The following ACP7 variants were observed in gnomAD, a reference collection of about 807,000 sequenced individuals.
The protein encoded by ACP7 is acid phosphatase 7, tartrate resistant (putative).
In ACP7, 58 loss-of-function variants were observed where a neutral mutation model predicts 60.6. The ratio of observed to expected loss-of-function variants is 0.96; its 90% confidence interval spans 0.77 to 1.19. The LOEUF (loss-of-function observed/expected upper bound fraction) is 1.19. Among genes scored for constraint, ACP7 ranks in the 50% most tolerant of loss-of-function variants. The pLI is 0.00. For missense variants in ACP7, 574 were observed against 596.2 expected, an observed-to-expected ratio of 0.96 and a Z score of 0.39; for synonymous variants, 237 against 232.6, an observed-to-expected ratio of 1.02 and a Z score of -0.17.
chr19:39,104,405 T>C (rs970979699), intron 11 of ACP7, among the ~76,000 whole-genome samples: 1 of 152,158 alleles, frequency 6.6e-6, no homozygotes, highest in Admixed American at 6.6e-5. Flanking sequence ...GTCCAGTGCT[T>C]GGGCCTGACC....
intron 11 of ACP7, among the ~76,000 whole-genome samples, chr19:39,101,830 G>A (rs1347072412): frequency 6.6e-6 from 1 of 151,110 alleles, no homozygotes; most frequent in East Asian, 1.9e-4. Context: ...GGAGGTCCAG[G>A]CACAATGACT....
chr19:39,087,684 A>G (rs547585150), intron 2 of ACP7, among the ~76,000 whole-genome samples: 34 of 142,260 alleles, frequency 2.4e-4, no homozygotes, highest in Non-Finnish European at 3.6e-4. Flanking sequence ...GCCAGGCTGT[A>G]GTGCAATGGC....
intron 1 of ACP7, 95 bp from the exon 2 acceptor site, chr19:39,084,997 T>G: frequency 2.8e-6 from 1 of 357,686 alleles, no homozygotes; most frequent in Non-Finnish European, 5.0e-6. Flanking sequence ...CTTCCGTGAA[T>G]TAATCTATGT....
intron 2 of ACP7, among the ~76,000 whole-genome samples, chr19:39,096,190 T>TTTGCAG (rs2073264305): frequency 6.6e-6 from 1 of 152,216 alleles, no homozygotes; most frequent in Admixed American, 6.5e-5. Flanking sequence ...TTATTTTCTA[T>TTTGCAG]CCCATCATCA....
chr19:39,095,939 A>T (rs2073260470), intron 2 of ACP7, among the ~76,000 whole-genome samples: 1 of 152,204 alleles, frequency 6.6e-6, no homozygotes, highest in Non-Finnish European at 1.5e-5. Context: ...CCACAGCTGG[A>T]GCAGCTAGAA....
intron 11 of ACP7, among the ~76,000 whole-genome samples, chr19:39,104,444 T>G (rs1348108099): frequency 1.3e-5 from 2 of 152,192 alleles, no homozygotes; most frequent in East Asian, 3.8e-4. Context: ...TCCCTGGCAT[T>G]GATCTCCCAG....
intron 12 of ACP7, among the ~76,000 whole-genome samples, chr19:39,108,730 G>A (rs1442904332): frequency 6.6e-6 from 1 of 152,226 alleles, no homozygotes; most frequent in Non-Finnish European, 1.5e-5. Context: ...TTTTGCCATT[G>A]TAGTTTTAAA....
rs148396910 is a variant in ACP7 at position 39,094,732 on chromosome 19, C to T, written c.122-3726C>T. 6.4e-3 allele frequency among the ~76,000 whole-genome samples: 970 copies of T among 152,072 alleles called. 10 individuals are homozygous for T. Among genetic ancestry groups the T allele is most frequent in the South Asian group, 0.03 (143 of 4,812 alleles). ...GTCCGAGCTACTCAGGAGGCTGAGGCGGGAGGATCACTTGAACCCAGGAGG... is the reference window on the plus strand; with the variant it reads ...GTCCGAGCTACTCAGGAGGCTGAGGTGGGAGGATCACTTGAACCCAGGAGG... On this transcript the variant is annotated intron_variant, in intron 2 of 12. Coordinates refer to ENST00000331256, the MANE Select transcript of ACP7 (RefSeq NM_001004318.3).
chr19:39,100,024 C>G (rs1188513687), intron 4 of ACP7, among the ~76,000 whole-genome samples: 1 of 144,398 alleles, frequency 6.9e-6, no homozygotes, highest in Non-Finnish European at 1.5e-5. Context: ...AAGTGCCCAT[C>G]TTGGCCCGGC....
chr19:39,096,951 GC>G (rs2144995854), intron 2 of ACP7, among the ~76,000 whole-genome samples: 1 of 152,216 alleles, frequency 6.6e-6, no homozygotes, highest in African/African-American at 2.4e-5. Context: ...ACAGGCACAT[GC>G]CACCACGCCC....
In ACP7 at chr19:39,099,540, G is replaced by A. The variant is rs143626739; in HGVS notation, c.505+398G>A. Among the ~76,000 whole-genome samples the A allele has an allele frequency of 5.0e-3, 762 of 152,180 alleles. 4 individuals carry two copies. The highest frequency in any genetic ancestry group is 9.0e-3 in the Admixed American group (137 of 15,260). On this transcript the variant is annotated intron_variant, in intron 4 of 12. Coordinates refer to ENST00000331256, the MANE Select transcript of ACP7 (RefSeq NM_001004318.3). ...TATTGCTGCTGTTGTTATTTAAGAG[G>A]GGGAAGGGAATTAGATGGGTAATGG...
At chr19:39,102,663 A>G (rs189781318) in intron 11 of ACP7, among the ~76,000 whole-genome samples, 1 of 152,006 alleles carries the variant, frequency 6.6e-6, no homozygotes, top group African/African-American at 2.4e-5. Context: ...TTTCAAACCC[A>G]TTAGTGGACG....
intron 2 of ACP7, among the ~76,000 whole-genome samples, chr19:39,093,182 C>CCTTCCTTCCTTCCTTCCTTT (rs2073227975): frequency 3.7e-5 from 2 of 54,716 alleles, no homozygotes; most frequent in Admixed American, 1.5e-4. Context: ...CTCCTTCCTT[C>CCTTCCTTCCTTCCTTCCTTT]CTTCCTTCTT....
upstream of ACP7, chr19:39,083,819 A>G (rs942561926): frequency 1.3e-5 from 2 of 152,304 alleles, no homozygotes; most frequent in African/African-American, 4.8e-5. Context: ...TAGGTCGCAC[A>G]GCTCAGAAAG....
At chr19:39,103,780 A>G (rs893323231) in intron 11 of ACP7, among the ~76,000 whole-genome samples, 25 of 152,096 alleles carry the variant, frequency 1.6e-4, no homozygotes, top group African/African-American at 5.8e-4. Flanking sequence ...ATGAGCTGAG[A>G]CTGTGCTACT....
chr19:39,096,260 C>T (rs570716962), intron 2 of ACP7, among the ~76,000 whole-genome samples: 2 of 152,302 alleles, frequency 1.3e-5, no homozygotes, highest in East Asian at 3.9e-4. Context: ...ATGCCTTTAA[C>T]AGGACATCTT....
At chr19:39,084,185 G>A (rs2073113994), upstream of ACP7, 1 of 152,338 alleles carries the variant, frequency 6.6e-6, no homozygotes, top group Non-Finnish European at 1.5e-5. Flanking sequence ...CCCTGGTGGG[G>A]TGGGCGGGTG....
intron 2 of ACP7, 69 bp downstream of exon 2, chr19:39,085,459 T>C (rs2073130929): frequency 6.6e-7 from 1 of 1,522,282 alleles, no homozygotes; most frequent in Non-Finnish European, 8.8e-7. Context: ...GTTTGAGGGC[T>C]CAGGAATCCC....
Position 39,099,085 on chromosome 19 carries a change from G to A in ACP7, c.448G>A (p.Val150Ile). 26 of 1,603,058 alleles carry A rather than the reference G, an allele frequency of 1.6e-5. No homozygotes were observed. Among genetic ancestry groups the A allele is most frequent in the Non-Finnish European group, 2.1e-5 (25 of 1,175,598 alleles). ...CCTGGGGGCTGACAACCCGAAGGCC[G>A]TCCCCCGGCTGCGCAGGGACACCCA... ...GDLGADNPKA[V>I]PRLRRDTQQG... Residue 150 changes from valine (V) to isoleucine (I), a missense_variant, in exon 4 of 13, where the codon GTC (valine) becomes ATC (isoleucine). By Grantham distance (29) the Val-to-Ile change is conservative. Transcript: ENST00000331256.
Sources: allele counts gnomAD v4.1 joint callset (sites outside exome capture counted in the v4.1 genomes callset), GRCh38; gene constraint gnomAD v4.1.1; transcripts MANE v1.5; gene names NCBI Gene and HGNC (gene_info 2026-07-23, HGNC 2026-07-21).